Variants in KDM2A observed in about 807,000 individuals in gnomAD.
The protein encoded by KDM2A is lysine demethylase 2A, also known as lysine-specific demethylase 2A.
Under a neutral mutation model 137.3 loss-of-function variants are expected in KDM2A, and 3 were observed. The ratio of observed to expected loss-of-function variants is 0.02; its 90% confidence interval spans 0.01 to 0.06. The LOEUF (loss-of-function observed/expected upper bound fraction) is 0.06. Ranked by LOEUF, KDM2A falls within the 10% of genes least tolerant of loss-of-function variation. The pLI is 1.00. For missense variants in KDM2A, 738 were observed against 1,510.6 expected, an observed-to-expected ratio of 0.49 and a Z score of 8.48; for synonymous variants, 512 against 541.5, an observed-to-expected ratio of 0.95 and a Z score of 0.76.
intron 12 of KDM2A, chr11:67,240,244 C>G (rs1858988310): frequency 1.3e-6 from 2 of 1,535,494 alleles, no homozygotes; most frequent in African/African-American, 1.4e-5. Context: ...TCAAGTAAAT[C>G]CGGATTTTCC....
At chr11:67,189,799 A>C (rs543029555) in intron 5 of KDM2A, among the ~76,000 whole-genome samples, 2 of 152,132 alleles carry the variant, frequency 1.3e-5, no homozygotes, top group South Asian at 4.2e-4. Flanking sequence ...AAGATCGCAC[A>C]TTGCACTCCA....
At chr11:67,152,813 T>A (rs941046728) in intron 2 of KDM2A, among the ~76,000 whole-genome samples, 1 of 152,036 alleles carries the variant, frequency 6.6e-6, no homozygotes, top group African/African-American at 2.4e-5. Flanking sequence ...TTAAGTTATT[T>A]AACTTTTGTA....
At chr11:67,165,274 C>T (rs1013641407) in intron 2 of KDM2A, among the ~76,000 whole-genome samples, 6 of 152,016 alleles carry the variant, frequency 3.9e-5, no homozygotes, top group South Asian at 2.1e-4. Context: ...AGGCATGCGC[C>T]GCCACACCTG....
chr11:67,127,844 T>C (rs897198081), intron 2 of KDM2A, among the ~76,000 whole-genome samples: 1 of 151,924 alleles, frequency 6.6e-6, no homozygotes, highest in African/African-American at 2.4e-5. Flanking sequence ...GTAGCTGGGA[T>C]TACAGGCATG....
intron 6 of KDM2A, among the ~76,000 whole-genome samples, chr11:67,209,878 T>G (rs1019808186): frequency 6.6e-6 from 1 of 152,060 alleles, no homozygotes; most frequent in African/African-American, 2.4e-5. Context: ...CTGGTTAACA[T>G]AGCAAGACCT....
chr11:67,188,628 C>CA (rs1383910059), intron 5 of KDM2A, among the ~76,000 whole-genome samples: 5 of 151,070 alleles, frequency 3.3e-5, no homozygotes, highest in Non-Finnish European at 7.4e-5. Flanking sequence ...TCGTCTCTAC[C>CA]AAAAAAATAA....
At chr11:67,168,668 C>T (rs527529204) in intron 2 of KDM2A, among the ~76,000 whole-genome samples, 80 of 143,270 alleles carry the variant, frequency 5.6e-4, no homozygotes, top group Non-Finnish European at 9.4e-4. Context: ...CACACACGGT[C>T]GGGGGGATAG....
At chr11:67,153,531 G>A (rs1856445339) in intron 2 of KDM2A, among the ~76,000 whole-genome samples, 1 of 152,114 alleles carries the variant, frequency 6.6e-6, no homozygotes, top group South Asian at 2.1e-4. Context: ...CTCAAACACA[G>A]AAAAGTTGAA....
chr11:67,205,353 A>T (rs1462874622), intron 5 of KDM2A, among the ~76,000 whole-genome samples: 1 of 152,080 alleles, frequency 6.6e-6, no homozygotes, highest in African/African-American at 2.4e-5. Flanking sequence ...CAGTGGCCAT[A>T]TTCTTCTCTT....
At chr11:67,183,839 T>C (rs907010734) in intron 5 of KDM2A, among the ~76,000 whole-genome samples, 1 of 152,116 alleles carries the variant, frequency 6.6e-6, no homozygotes, top group Non-Finnish European at 1.5e-5. Flanking sequence ...CCAGGCACAG[T>C]GGGTCATGCC....
intron 5 of KDM2A, among the ~76,000 whole-genome samples, chr11:67,184,997 G>GA (rs1361843493): frequency 6.6e-6 from 1 of 151,964 alleles, no homozygotes; most frequent in Non-Finnish European, 1.5e-5. Context: ...CCATTCAAAG[G>GA]AAAAAAATCA....
Position 67,119,722 on chromosome 11 carries a change from G to C in KDM2A, c.-411G>C, listed in dbSNP as rs1430382349. ...AGCCCCTGCTGGCCGAGGGCACGGC[G>C]AGGAGGGCGCTCCCTGCGGCCGGGG... is the stretch of plus-strand genomic sequence containing the variant. On this transcript the variant is annotated 5_prime_UTR_variant, in exon 1 of 21. Transcript: ENST00000529006. 1 of 150,050 alleles carries C rather than the reference G, an allele frequency of 6.7e-6. No homozygotes were observed. Among genetic ancestry groups the C allele is most frequent in the African/African-American group, 2.4e-5 (1 of 41,176 alleles). The allele number at this position is 150,050 out of a possible 1,614,324, so 9.3% of individuals were successfully genotyped here. A position where few individuals can be genotyped will look rare whatever the true frequency, so the allele number is the denominator to read the frequency against.
At chr11:67,200,385 T>C (rs1857588639) in intron 5 of KDM2A, among the ~76,000 whole-genome samples, 1 of 152,028 alleles carries the variant, frequency 6.6e-6, no homozygotes, top group African/African-American at 2.4e-5. Flanking sequence ...CCGGCTAATT[T>C]TTTTCGTATT....
Position 67,243,039 on chromosome 11 carries a change from C to G in KDM2A, c.1510C>G (p.Pro504Ala), listed in dbSNP as rs1360692646. 1.9e-6 allele frequency: 3 copies of G among 1,613,656 alleles called. No individual in the cohort carries two copies. The Admixed American group carries it at 5.0e-5, about 27-fold the overall frequency. Residue 504 changes from proline to alanine, a missense_variant, in exon 13 of 21, where the codon CCC (proline) becomes GCC (alanine). Transcript: ENST00000529006. ...ILLEELANSDPKLALTGVPIV... is the reference protein window; with the variant it reads ...ILLEELANSDAKLALTGVPIV... Reference sequence around the variant, plus strand: ...GCTGGAGGAGCTTGCCAACAGCGATCCCAAGTTAGCCCTCACTGGAGTTCC... The same window carrying G: ...GCTGGAGGAGCTTGCCAACAGCGATGCCAAGTTAGCCCTCACTGGAGTTCC...
chr11:67,242,895 C>A, intron 12 of KDM2A, 114 bp from the exon 13 acceptor site: 1 of 718,740 alleles, frequency 1.4e-6, no homozygotes, highest in South Asian at 1.6e-5. Flanking sequence ...ACAGTTGCCA[C>A]CCTGCCTCCC....
At chr11:67,191,537 CAT>C (rs1445224250) in intron 5 of KDM2A, among the ~76,000 whole-genome samples, 7 of 152,190 alleles carry the variant, frequency 4.6e-5, no homozygotes, top group South Asian at 2.1e-4. Context: ...GATGATTTGA[CAT>C]GTGAAAATCA....
chr11:67,256,775 A>G lies in KDM2A; in HGVS notation c.*1720A>G, dbSNP rs1859629550. The G allele has an allele frequency of 1.3e-5, 2 of 152,646 alleles. No individual in the cohort carries two copies. The highest frequency in any genetic ancestry group is 4.1e-4 in the South Asian group (2 of 4,832). 9.5% of individuals were successfully genotyped at this position (152,646 alleles called of 1,614,324 possible). A position where few individuals can be genotyped will look rare whatever the true frequency, so the allele number is the denominator to read the frequency against. ...TGACCCTGGCATTAACTGGCCTTAG[A>G]AGAAACTGGATCCTGGTAGGGGGTG... On this transcript the variant is annotated 3_prime_UTR_variant, in exon 21 of 21. Transcript: ENST00000529006.
intron 2 of KDM2A, among the ~76,000 whole-genome samples, chr11:67,153,564 G>A (rs1236623827): frequency 6.6e-6 from 1 of 152,092 alleles, no homozygotes. Context: ...AGAACATCTG[G>A]ATGTGGTGCA....
At chr11:67,153,982 G>T (rs1209955700) in intron 2 of KDM2A, among the ~76,000 whole-genome samples, 1 of 152,088 alleles carries the variant, frequency 6.6e-6, no homozygotes, top group Admixed American at 6.6e-5. Flanking sequence ...TGTTTTAGCT[G>T]CCTCTCCTAA....
Sources: gnomAD v4.1 joint callset for allele counts (sites outside exome capture counted in the v4.1 genomes callset) on GRCh38, gnomAD v4.1.1 for gene constraint, MANE v1.5 for transcripts, NCBI Gene and HGNC (gene_info 2026-07-23, HGNC 2026-07-21) for gene names.